The following CNOT10 variants were observed in gnomAD, a reference collection of about 807,000 sequenced individuals.
The protein encoded by CNOT10 is CCR4-NOT transcription complex, subunit 10.
In CNOT10, 30 loss-of-function variants were observed where a neutral mutation model predicts 94.6. The ratio of observed to expected loss-of-function variants is 0.32; its 90% confidence interval spans 0.24 to 0.43. CNOT10 has a LOEUF of 0.43. Among genes scored for constraint, CNOT10 ranks in the 20% least tolerant of loss-of-function variants. The pLI is 1.00. For missense variants in CNOT10, 759 were observed against 877.2 expected (o/e 0.87, Z 1.70); for synonymous variants, 289 against 301.6 (o/e 0.96, Z 0.43).
At chr3:32,725,673 T>C in intron 9 of CNOT10, 74 bp downstream of exon 9, 2 of 1,356,340 alleles carry the variant, frequency 1.5e-6, no homozygotes, top group Non-Finnish European at 2.0e-6. Flanking sequence ...TGAATGTGGT[T>C]AAAATACCCA....
At chr3:32,772,114 G>A (rs548131986) in intron 18 of CNOT10, among the ~76,000 whole-genome samples, 1 of 152,284 alleles carries the variant, frequency 6.6e-6, no homozygotes, top group Non-Finnish European at 1.5e-5. Context: ...ACTTTGGGAG[G>A]CCGAGGCGGG....
chr3:32,730,365 A>G (rs552544340), intron 10 of CNOT10, among the ~76,000 whole-genome samples: 2 of 152,080 alleles, frequency 1.3e-5, no homozygotes, highest in Admixed American at 1.3e-4. Context: ...TTCCATATTA[A>G]TATGCTGCCA....
rs766031532 is a variant in CNOT10, at chr3:32,727,648, T to C, written c.1013-20T>C. On this transcript the variant is annotated intron_variant, in intron 9 of 18. Coordinates refer to ENST00000328834, the MANE Select transcript of CNOT10 (RefSeq NM_015442.3). Reference sequence around the variant, plus strand: ...TACTGTAAATCTAATGATGTATTCTTATCTAATTTTTATCACTAGGTAAAA... The same window carrying C: ...TACTGTAAATCTAATGATGTATTCTCATCTAATTTTTATCACTAGGTAAAA... 5.5e-6 allele frequency: 8 copies of C among 1,456,800 alleles called. 1 individual carries two copies. In the Middle Eastern group the frequency reaches 7.0e-4, roughly 127 times the overall value. 90.2% of individuals were successfully genotyped at this position (1,456,800 alleles called of 1,614,324 possible). A position where few individuals can be genotyped will look rare whatever the true frequency, so the allele number is the denominator to read the frequency against.
In CNOT10 at chr3:32,773,477, C is replaced by G; in HGVS notation, c.2101C>G (p.Gln701Glu). 2 of 1,613,442 alleles carry G rather than the reference C, an allele frequency of 1.2e-6. No homozygotes were observed. The highest frequency in any genetic ancestry group is 2.2e-5 in the South Asian group (2 of 90,918). ...TATAGGTAATACTCAGCTGGCCTTA[C>G]AGATCATCAAAAGGAATCAGCTGCT... ...LQNGNTQLAL[Q>E]IIKRNQLLPA... The change falls in exon 19 of 19, where the codon CAG becomes GAG. Residue 701 changes from glutamine to glutamate, a missense_variant. Coordinates refer to ENST00000328834, the MANE Select transcript of CNOT10 (RefSeq NM_015442.3).
At chr3:32,759,735 A>C (rs951081475) in intron 14 of CNOT10, among the ~76,000 whole-genome samples, 164 bp downstream of exon 14, 34 of 152,188 alleles carry the variant, frequency 2.2e-4, no homozygotes, top group Admixed American at 5.2e-4. Context: ...GGCAGTGAAA[A>C]TGTTTTCACT....
chr3:32,764,336 CA>C (rs753565203), intron 15 of CNOT10, 118 bp from the exon 16 acceptor site: 86,491 of 761,666 alleles, frequency 0.11, 2 homozygotes, highest in South Asian at 0.17. Flanking sequence ...GGCTCCATCT[CA>C]AAAAAAAAAA....
intron 10 of CNOT10, among the ~76,000 whole-genome samples, chr3:32,731,304 T>A (rs904488971): frequency 2.0e-5 from 3 of 152,166 alleles, no homozygotes; most frequent in African/African-American, 7.2e-5. Flanking sequence ...TCAGGAGCAA[T>A]AAGTAACAGT....
intron 14 of CNOT10, among the ~76,000 whole-genome samples, chr3:32,760,347 A>G (rs1307755443): frequency 6.6e-6 from 1 of 152,064 alleles, no homozygotes; most frequent in East Asian, 1.9e-4. Context: ...TGAGTAAAAT[A>G]CAGGCCAGGT....
At chr3:32,736,028 G>A (rs1416688101) in intron 12 of CNOT10, among the ~76,000 whole-genome samples, 1 of 151,964 alleles carries the variant, frequency 6.6e-6, no homozygotes, top group African/African-American at 2.4e-5. Flanking sequence ...ATTATATATA[G>A]GGAATTCAGC....
At position 32,689,952 on chromosome 3, in the gene CNOT10, C is replaced by G. The variant is rs1696783258; in HGVS notation, c.22+4470C>G. Among the ~76,000 whole-genome samples, 3 of 152,104 alleles carry G rather than the reference C, an allele frequency of 2.0e-5. No individual in the cohort carries two copies. In the South Asian group the frequency reaches 6.2e-4, roughly 32 times the overall value. ...CCTGGGTGACAGTGCGACCCTGTCT[C>G]AAACAGAAAACAAAAAAGCCAATAC... On this transcript the variant is annotated intron_variant, in intron 1 of 18. Coordinates refer to ENST00000328834, the MANE Select transcript of CNOT10 (RefSeq NM_015442.3).
rs528462928 is a variant in CNOT10 at position 32,729,800 on chromosome 3, G to A, written c.1215+1930G>A. 4.9e-5 allele frequency among the ~76,000 whole-genome samples: 5 copies of A among 101,856 alleles called. 1 individual carries two copies. In the Admixed American group the frequency reaches 5.1e-4, roughly 10 times the overall value. The allele number at this position is 101,856 out of a possible 152,430, so 66.8% of individuals were successfully genotyped here. On this transcript the variant is annotated intron_variant, in intron 10 of 18. Coordinates refer to ENST00000328834, the MANE Select transcript of CNOT10 (RefSeq NM_015442.3). ...TTTTTTTTTTTTGAGACGGAGTCTC[G>A]CCCTGTCGCCCAGGCTGGAGTGCAG...
intron 2 of CNOT10, 37 bp downstream of exon 2, chr3:32,703,999 G>A: frequency 7.5e-7 from 1 of 1,326,088 alleles, no homozygotes; most frequent in Non-Finnish European, 1.1e-6. Context: ...TCAAGTTGTA[G>A]GGTTCTGTCA....
intron 5 of CNOT10, among the ~76,000 whole-genome samples, chr3:32,714,243 T>G (rs878945831): frequency 2.0e-5 from 3 of 152,200 alleles, no homozygotes; most frequent in Admixed American, 2.0e-4. Flanking sequence ...GTTACAGTTT[T>G]GATTTTTATT....
chr3:32,719,173 C>T (rs1431669164), intron 7 of CNOT10, among the ~76,000 whole-genome samples: 3 of 151,700 alleles, frequency 2.0e-5, no homozygotes, highest in African/African-American at 7.3e-5. Flanking sequence ...TGCTTGAACC[C>T]GGGAGGCGGA....
chr3:32,723,891 A>T (rs1274035196), intron 8 of CNOT10, among the ~76,000 whole-genome samples: 1 of 152,142 alleles, frequency 6.6e-6, no homozygotes, highest in Non-Finnish European at 1.5e-5. Context: ...GACCAGCCTG[A>T]GCAACACAGG....
intron 1 of CNOT10, among the ~76,000 whole-genome samples, chr3:32,699,278 GTTTCT>G (rs1697224349): frequency 1.3e-5 from 2 of 152,046 alleles, no homozygotes; most frequent in South Asian, 4.1e-4. Context: ...TTTGCAATCT[GTTTCT>G]TTTATTTAAC....
chr3:32,722,067 A>T (rs948095460), intron 8 of CNOT10, among the ~76,000 whole-genome samples: 1 of 152,206 alleles, frequency 6.6e-6, no homozygotes, highest in Non-Finnish European at 1.5e-5. Flanking sequence ...TCAGTATTTG[A>T]TGGGGCAGGA....
chr3:32,704,067 C>A (rs1697499799), intron 2 of CNOT10, 105 bp downstream of exon 2: 2 of 623,518 alleles, frequency 3.2e-6, no homozygotes, highest in Non-Finnish European at 5.4e-6. Context: ...TGTAATAATT[C>A]AAAAGTTAAT....
chr3:32,726,553 G>A (rs1431229025), intron 9 of CNOT10, among the ~76,000 whole-genome samples: 1 of 151,620 alleles, frequency 6.6e-6, no homozygotes, highest in Non-Finnish European at 1.5e-5. Flanking sequence ...AAAATTAGCC[G>A]AGCATGGTGG....
Sources: allele counts gnomAD v4.1 joint callset (sites outside exome capture counted in the v4.1 genomes callset), GRCh38; gene constraint gnomAD v4.1.1; transcripts MANE v1.5; gene names NCBI Gene and HGNC (gene_info 2026-07-23, HGNC 2026-07-21).